DIAPH1: variants seen among roughly 807,000 people sequenced by gnomAD.
DIAPH1 encodes the protein protein diaphanous homolog 1.
DIAPH1 carries 46 observed loss-of-function variants against 140.7 expected under a neutral mutation model. The observed-to-expected ratio is 0.33, with a 90% CI of 0.26 to 0.42. The LOEUF (loss-of-function observed/expected upper bound fraction) is 0.42, where lower values mean the gene tolerates loss of function less well. DIAPH1 is among the 10% of genes least tolerant of loss of function. The probability of loss-of-function intolerance (pLI) is 1.00; values close to 1 mark genes in which losing one functional copy is unlikely to be tolerated. For missense variants in DIAPH1, 1,310 were observed against 1,558.7 expected (o/e 0.84, Z 2.69); for synonymous variants, 565 against 551.6 (o/e 1.02, Z -0.34).
intron 7 of DIAPH1, among the ~76,000 whole-genome samples, chr5:141,581,090 T>C (rs889683681): frequency 2.0e-5 from 3 of 152,026 alleles, no homozygotes; most frequent in African/African-American, 7.3e-5. Context: ...CCTGCTGGGG[T>C]AGAAAGGGTC....
At chr5:141,564,238 T>G (rs2099894033) in intron 18 of DIAPH1, 1 of 152,234 alleles carries the variant, frequency 6.6e-6, no homozygotes, top group Admixed American at 6.5e-5. Flanking sequence ...CTGCATAATT[T>G]AACTGCTGAT....
rs971060198 is a variant in DIAPH1 at position 141,576,323 on chromosome 5, G to A, written c.1397-29C>T. 16 of 1,546,324 alleles carry A rather than the reference G, an allele frequency of 1.0e-5. No homozygotes were observed. In the Admixed American group the frequency reaches 2.2e-4, roughly 21 times the overall value. On this transcript the variant is annotated intron_variant, in intron 13 of 27. Transcript: ENST00000389054. ...AAAAGAAGAAGAGTCAGTAAGTAAAGCTCCTAATTCTCTTGTTCTATTTCT... is the reference window on the plus strand; with the variant it reads ...AAAAGAAGAAGAGTCAGTAAGTAAAACTCCTAATTCTCTTGTTCTATTTCT...
intron 4 of DIAPH1, 51 bp downstream of exon 4, chr5:141,584,073 C>G (rs1297377491): frequency 4.0e-6 from 5 of 1,242,476 alleles, no homozygotes; most frequent in Non-Finnish European, 5.9e-6. Context: ...AAAACAGGTC[C>G]AAGACAAGGG....
At chr5:141,530,971 T>C (rs189630171) in intron 19 of DIAPH1, among the ~76,000 whole-genome samples, 3 of 152,226 alleles carry the variant, frequency 2.0e-5, no homozygotes, top group Non-Finnish European at 4.4e-5. Flanking sequence ...TCAAGTTTTT[T>C]AAATCTTACT....
At chr5:141,571,366 C>T (rs2099895155) in intron 18 of DIAPH1, 62 bp downstream of exon 18, 3 of 1,338,024 alleles carry the variant, frequency 2.2e-6, no homozygotes, top group Admixed American at 2.1e-5. Flanking sequence ...TCCTTTATAT[C>T]TATTTCATCT....
intron 1 of DIAPH1, among the ~76,000 whole-genome samples, chr5:141,605,764 A>G (rs541949176): frequency 6.6e-6 from 1 of 152,312 alleles, no homozygotes; most frequent in African/African-American, 2.4e-5. Context: ...ATACTTAGGT[A>G]CTACTGCTCT....
chr5:141,553,246 C>T (rs1215605661), intron 18 of DIAPH1, among the ~76,000 whole-genome samples: 1 of 151,842 alleles, frequency 6.6e-6, no homozygotes, highest in Non-Finnish European at 1.5e-5. Flanking sequence ...GAGCCAAGAT[C>T]GCACCACTGC....
At chr5:141,582,268 A>G (rs549502737) in intron 7 of DIAPH1, 44 bp downstream of exon 7, 58 of 1,433,798 alleles carry the variant, frequency 4.0e-5, no homozygotes, top group Non-Finnish European at 5.7e-5. Context: ...GAGAAAGAAC[A>G]GGCGTCCAGA....
At chr5:141,546,865 T>C (rs1182011150) in intron 18 of DIAPH1, among the ~76,000 whole-genome samples, 2 of 152,248 alleles carry the variant, frequency 1.3e-5, no homozygotes, top group Admixed American at 6.5e-5. Flanking sequence ...ACAATCAGCC[T>C]CTACTATTAT....
At chr5:141,542,968 T>C (rs1184724070) in intron 18 of DIAPH1, among the ~76,000 whole-genome samples, 1 of 152,056 alleles carries the variant, frequency 6.6e-6, no homozygotes, top group East Asian at 1.9e-4. Flanking sequence ...ATAAATTTTC[T>C]AAATGTGATA....
intron 3 of DIAPH1, among the ~76,000 whole-genome samples, chr5:141,584,656 C>T (rs1408125213): frequency 6.6e-6 from 1 of 152,140 alleles, no homozygotes; most frequent in Non-Finnish European, 1.5e-5. Flanking sequence ...AAACCCATTA[C>T]CCCTGGTTAA....
At chr5:141,547,556 T>G (rs1448813617) in intron 18 of DIAPH1, among the ~76,000 whole-genome samples, 1 of 151,818 alleles carries the variant, frequency 6.6e-6, no homozygotes, top group Non-Finnish European at 1.5e-5. Flanking sequence ...AACAGATGGG[T>G]TTAACAGTAG....
At chr5:141,517,911 C>T (rs2154594810) in intron 27 of DIAPH1, among the ~76,000 whole-genome samples, 1 of 152,310 alleles carries the variant, frequency 6.6e-6, no homozygotes, top group East Asian at 1.9e-4. Flanking sequence ...CTTATGGCCC[C>T]AGTATCTGCA....
In DIAPH1 at chr5:141,516,591, T is replaced by C. The variant is rs1056855691; in HGVS notation, c.*260A>G. On this transcript the variant is annotated 3_prime_UTR_variant, in exon 28 of 28. Coordinates refer to ENST00000389054, the MANE Select transcript of DIAPH1 (RefSeq NM_005219.5). ...GGAGACAGGGTTAAGGCAGCAAACA[T>C]GGACCCTGCTTTGGTAATACAACAG... is the stretch of plus-strand genomic sequence containing the variant. 2 of 536,338 alleles carry C rather than the reference T, an allele frequency of 3.7e-6. No individual in the cohort carries two copies. Among genetic ancestry groups the C allele is most frequent in the Non-Finnish European group, 6.8e-6 (2 of 295,922 alleles). The allele number at this position is 536,338 out of a possible 1,614,324, so 33.2% of individuals were successfully genotyped here. A position where few individuals can be genotyped will look rare whatever the true frequency, so the allele number is the denominator to read the frequency against.
chr5:141,517,678 G>C (rs905468421), intron 27 of DIAPH1, among the ~76,000 whole-genome samples: 3 of 151,804 alleles, frequency 2.0e-5, no homozygotes, highest in Non-Finnish European at 4.4e-5. Flanking sequence ...GTGGCATGGC[G>C]GGGGGGAGGT....
chr5:141,556,436 C>T (rs531133507), intron 18 of DIAPH1, among the ~76,000 whole-genome samples: 2 of 152,330 alleles, frequency 1.3e-5, no homozygotes, highest in South Asian at 2.1e-4. Flanking sequence ...ACGGGTGAGG[C>T]CCACTTCTAT....
rs563043669 is a variant in DIAPH1 at position 141,529,960 on chromosome 5, T to A, written c.2582-263A>T. Among the ~76,000 whole-genome samples, 19 of 152,254 alleles carry A rather than the reference T, an allele frequency of 1.2e-4. 1 individual carries two copies. The South Asian group carries it at 3.9e-3, about 32-fold the overall frequency. Reference sequence around the variant, plus strand: ...CTAGCCAGGCGTGGTGGTGTGCACCTGTAGTCCCAGCTGCTCGGCAGGCTG... The same window carrying A: ...CTAGCCAGGCGTGGTGGTGTGCACCAGTAGTCCCAGCTGCTCGGCAGGCTG... On this transcript the variant is annotated intron_variant, in intron 19 of 27. Coordinates refer to ENST00000389054, the MANE Select transcript of DIAPH1 (RefSeq NM_005219.5).
chr5:141,520,595 G>A (rs912080879), intron 27 of DIAPH1, among the ~76,000 whole-genome samples: 1 of 152,150 alleles, frequency 6.6e-6, no homozygotes, highest in Non-Finnish European at 1.5e-5. Context: ...TCTACAGTCT[G>A]CAGAACTGTC....
intron 27 of DIAPH1, among the ~76,000 whole-genome samples, chr5:141,522,799 T>C (rs553860314): frequency 1.3e-5 from 2 of 152,284 alleles, no homozygotes; most frequent in African/African-American, 4.8e-5. Context: ...CAGCTCTTCA[T>C]ATCCACTTCT....
Sources: gnomAD v4.1 joint callset for allele counts (sites outside exome capture counted in the v4.1 genomes callset) on GRCh38, gnomAD v4.1.1 for gene constraint, MANE v1.5 for transcripts, NCBI Gene and HGNC (gene_info 2026-07-23, HGNC 2026-07-21) for gene names.